Variants in ZBTB16 observed in about 807,000 individuals in gnomAD.
The protein encoded by ZBTB16 is zinc finger and BTB domain containing 16, also known as zinc finger and BTB domain-containing protein 16.
Under a neutral mutation model 56.8 loss-of-function variants are expected in ZBTB16, and 8 were observed. The ratio of observed to expected loss-of-function variants is 0.14; its 90% CI spans 0.08 to 0.25. The LOEUF is 0.25. Ranked by LOEUF, ZBTB16 falls within the 10% of genes least tolerant of loss-of-function variation. The probability of loss-of-function intolerance (pLI) is 1.00; values close to 1 mark genes in which losing one functional copy is unlikely to be tolerated. For missense variants in ZBTB16, 625 were observed against 903.0 expected, an observed-to-expected ratio of 0.69 and a Z score of 3.95; for synonymous variants, 363 against 368.5, an observed-to-expected ratio of 0.98 and a Z score of 0.17.
At chr11:114,167,309 T>TTCTC (rs3057734) in intron 3 of ZBTB16, among the ~76,000 whole-genome samples, 72 of 131,230 alleles carry the variant, frequency 5.5e-4, no homozygotes, top group Admixed American at 3.1e-3. Context: ...TGGCTGTGTT[T>TTCTC]TCTCTCTCTC....
intron 2 of ZBTB16, among the ~76,000 whole-genome samples, chr11:114,140,884 A>G (rs1014768858): frequency 2.0e-5 from 3 of 152,138 alleles, no homozygotes; most frequent in African/African-American, 7.2e-5. Flanking sequence ...TCAATTTAGA[A>G]TTTGGGCCCT....
rs149026847 is a variant in ZBTB16, at chr11:114,094,273, C to T, written c.1268+29705C>T. 3.4e-3 allele frequency among the ~76,000 whole-genome samples: 511 copies of T among 152,224 alleles called. 11 individuals carry two copies. The East Asian group carries it at 0.034, about 10-fold the overall frequency. ...GAGTTTGCAGTGAGCTGAGGTTGTG[C>T]CACTGCACTCCAGCCTGGGAGACAG... On this transcript the variant is annotated intron_variant, in intron 2 of 6. Transcript: ENST00000335953.
intron 2 of ZBTB16, among the ~76,000 whole-genome samples, chr11:114,128,777 C>T (rs1941583443): frequency 6.6e-6 from 1 of 152,156 alleles, no homozygotes. Context: ...AAGTTAGTGC[C>T]TTCCCTAGAG....
In ZBTB16 at chr11:114,198,317, G is replaced by A. The variant is rs184893033; in HGVS notation, c.1453+11279G>A. Among the ~76,000 whole-genome samples, 425 of 152,330 alleles carry A rather than the reference G, an allele frequency of 2.8e-3. 1 individual carries two copies. The highest frequency in any genetic ancestry group is 9.7e-3 in the African/African-American group (405 of 41,584). On this transcript the variant is annotated intron_variant, in intron 4 of 6. Transcript: ENST00000335953. ...ATGTGCTGCTGTTTGTACAGTCAGT[G>A]CCCCAGCATAGATTTACTCTTGACC...
At chr11:114,164,126 T>A (rs961067183) in intron 3 of ZBTB16, among the ~76,000 whole-genome samples, 1 of 152,226 alleles carries the variant, frequency 6.6e-6, no homozygotes, top group African/African-American at 2.4e-5. Flanking sequence ...CAGTACACTG[T>A]GTGCTCTCTG....
Position 114,207,589 on chromosome 11 carries a change from CA to C in ZBTB16, c.1453+20553del, listed in dbSNP as rs1217820661. On this transcript the variant is annotated intron_variant, in intron 4 of 6. Transcript: ENST00000335953. ...GTCTTGTTTGCCTGATACACACACA[CA>C]ACACACACACACACACACACACACA... Among the ~76,000 whole-genome samples the C allele has an allele frequency of 3.6e-3, 473 of 130,920 alleles. 1 individual carries two copies. Among genetic ancestry groups the C allele is most frequent in the African/African-American group, 0.014 (398 of 28,320 alleles). 85.9% of individuals were successfully genotyped at this position (130,920 alleles called of 152,430 possible).
chr11:114,102,462 C>A (rs238928), intron 2 of ZBTB16, among the ~76,000 whole-genome samples: 61,506 of 151,944 alleles, frequency 0.4, 18,800 homozygotes, highest in African/African-American at 0.85. Flanking sequence ...CACTCTTCTC[C>A]TTCATCACAG....
rs79926317 is a variant in ZBTB16, at chr11:114,086,205, G to A, written c.1268+21637G>A. On this transcript the variant is annotated intron_variant, in intron 2 of 6. Transcript: ENST00000335953. ...CGCAGCAGTGCAAACTCAGCCCTGG[G>A]CCTCAGAGGAGCCAGGCGTGGCCAG... is the stretch of plus-strand genomic sequence containing the variant. 4.6e-3 allele frequency among the ~76,000 whole-genome samples: 702 copies of A among 152,294 alleles called. 5 individuals are homozygous for A. Among genetic ancestry groups the A allele is most frequent in the African/African-American group, 0.015 (642 of 41,542 alleles).
At chr11:114,164,381 A>C (rs1942684222) in intron 3 of ZBTB16, among the ~76,000 whole-genome samples, 1 of 152,170 alleles carries the variant, frequency 6.6e-6, no homozygotes, top group South Asian at 2.1e-4. Context: ...TCTTATTAGG[A>C]AATGAATGGT....
intron 2 of ZBTB16, among the ~76,000 whole-genome samples, chr11:114,142,246 G>A (rs773980106): frequency 2.0e-5 from 3 of 152,154 alleles, no homozygotes; most frequent in African/African-American, 7.2e-5. Flanking sequence ...GGCTGCAGCC[G>A]ACAACCTTCC....
At chr11:114,215,630 A>G (rs1385925629) in intron 4 of ZBTB16, among the ~76,000 whole-genome samples, 1 of 152,218 alleles carries the variant, frequency 6.6e-6, no homozygotes, top group Non-Finnish European at 1.5e-5. Context: ...ATTAGGTTAG[A>G]CATTGGTGAG....
intron 2 of ZBTB16, among the ~76,000 whole-genome samples, chr11:114,065,615 C>T (rs1200313704): frequency 2.0e-5 from 3 of 152,250 alleles, no homozygotes; most frequent in East Asian, 1.9e-4. Context: ...GGGCTTTCAC[C>T]GTGTTGGTCA....
intron 2 of ZBTB16, among the ~76,000 whole-genome samples, chr11:114,129,178 A>G (rs1449167545): frequency 2.6e-5 from 4 of 152,212 alleles, no homozygotes; most frequent in Non-Finnish European, 5.9e-5. Flanking sequence ...AGTCAGCAAA[A>G]TCCTTATTTC....
chr11:114,224,518 T>A (rs1944293809), intron 4 of ZBTB16, among the ~76,000 whole-genome samples: 1 of 152,212 alleles, frequency 6.6e-6, no homozygotes, highest in Admixed American at 6.5e-5. Context: ...TATACAGACG[T>A]ATCTGGAATT....
chr11:114,081,513 G>T (rs775347439), intron 2 of ZBTB16, among the ~76,000 whole-genome samples: 3 of 152,166 alleles, frequency 2.0e-5, no homozygotes, highest in Non-Finnish European at 4.4e-5. Flanking sequence ...TTAAAACCTT[G>T]TTGAGCACTT....
chr11:114,247,511 G>A, intron 6 of ZBTB16, 146 bp downstream of exon 6: 1 of 1,178,408 alleles, frequency 8.5e-7, no homozygotes, highest in Non-Finnish European at 1.2e-6. Flanking sequence ...TGGTATGGTG[G>A]CCTGAGGACC....
intron 2 of ZBTB16, among the ~76,000 whole-genome samples, chr11:114,111,518 A>G (rs532348223): frequency 4.5e-4 from 68 of 152,206 alleles, no homozygotes; most frequent in Non-Finnish European, 5.4e-4. Context: ...CTCTCATGAA[A>G]TGACGCTAAA....
At chr11:114,061,116 G>A (rs1938836892) in intron 1 of ZBTB16, among the ~76,000 whole-genome samples, 1 of 151,810 alleles carries the variant, frequency 6.6e-6, no homozygotes, top group Admixed American at 6.6e-5. Flanking sequence ...TGCTGAAGTC[G>A]TCTCCAAGTC....
intron 2 of ZBTB16, among the ~76,000 whole-genome samples, chr11:114,148,080 C>A (rs939115708): frequency 6.6e-6 from 1 of 152,240 alleles, no homozygotes; most frequent in Non-Finnish European, 1.5e-5. Context: ...TGGTTCTCCA[C>A]AGCCACGAAG....
Sources: allele counts gnomAD v4.1 joint callset (sites outside exome capture counted in the v4.1 genomes callset), GRCh38; gene constraint gnomAD v4.1.1; transcripts MANE v1.5; gene names NCBI Gene and HGNC (gene_info 2026-07-23, HGNC 2026-07-21).